AKAP5: variants seen among roughly 807,000 people sequenced by gnomAD.
AKAP5 encodes the protein A-kinase anchoring protein 5, also known as A-kinase anchor protein 5.
In AKAP5, 5 loss-of-function variants were observed where a neutral mutation model predicts 13.8. The ratio of observed to expected loss-of-function variants is 0.36; its 90% confidence interval spans 0.19 to 0.76. The LOEUF (loss-of-function observed/expected upper bound fraction) is 0.76, where lower values mean the gene tolerates loss of function less well. AKAP5 is among the 30% of genes least tolerant of loss of function. AKAP5 has a pLI of 0.51. For synonymous variants in AKAP5, 148 were observed against 167.2 expected, an observed-to-expected ratio of 0.89 and a Z score of 0.89; for missense variants, 406 against 484.4, an observed-to-expected ratio of 0.84 and a Z score of 1.52.
Position 64,469,173 on chromosome 14 carries a change from C to G in AKAP5, c.779C>G (p.Pro260Arg), listed in dbSNP as rs1287601908. 1 of 1,613,982 alleles carries G rather than the reference C, an allele frequency of 6.2e-7. No individual in the cohort carries two copies. The highest frequency in any genetic ancestry group is 2.2e-5 in the East Asian group (1 of 44,892). ...ACTTCAGAAACAGACCATCAGCAGC[C>G]AGTACTTTCTGATGTTCCTCCTTTA... is the stretch of plus-strand genomic sequence containing the variant. ...LETSETDHQQ[P>R]VLSDVPPLPA... The change falls in exon 2 of 2, where the codon CCA (proline) becomes CGA (arginine). Residue 260 changes from proline to arginine, a missense_variant. Pro to Arg is a moderately radical substitution (Grantham distance 103, BLOSUM62 -2). Coordinates refer to ENST00000394718, the MANE Select transcript of AKAP5 (RefSeq NM_004857.3).
In AKAP5 at chr14:64,468,908, C is replaced by A; in HGVS notation, c.514C>A (p.Gln172Lys). 1 of 1,614,162 alleles carries A rather than the reference C, an allele frequency of 6.2e-7. No individual in the cohort carries two copies. The highest frequency in any genetic ancestry group is 8.5e-7 in the Non-Finnish European group (1 of 1,180,042). ...ACAAACACAGACCCCATTGAATGAT[C>A]AGGCAACAAAGGCTAAGTCAACCCA... The part of the protein sequence containing the change: ...DIQTQTPLND[Q>K]ATKAKSTQDL... The change falls in exon 2 of 2, where the codon CAG becomes AAG. Residue 172 changes from glutamine (Q) to lysine (K), a missense_variant. Transcript: ENST00000394718.
intron 1 of AKAP5, among the ~76,000 whole-genome samples, chr14:64,465,814 T>C (rs2078607078): frequency 6.6e-6 from 1 of 152,166 alleles, no homozygotes; most frequent in South Asian, 2.1e-4. Context: ...TGCCCACCTA[T>C]CCCCTTCGCG....
chr14:64,468,944 G>A lies in AKAP5; in HGVS notation c.550G>A (p.Glu184Lys), dbSNP rs1381789447. The A allele has an allele frequency of 1.2e-6, 2 of 1,614,190 alleles. No individual in the cohort carries two copies. The highest frequency in any genetic ancestry group is 2.2e-5 in the East Asian group (1 of 44,886). ...GGCTAAGTCAACCCAGGATCTAAGT[G>A]AAGGCATCTCACGGAAAGATGGTGA... ...TKAKSTQDLS[E>K]GISRKDGDEV... The change falls in exon 2 of 2, where the codon GAA (glutamate) becomes AAA (lysine). Residue 184 changes from glutamate to lysine, a missense_variant. Physicochemically the swap from Glu to Lys is moderately conservative, Grantham distance 56 (BLOSUM62 1). Coordinates refer to ENST00000394718, the MANE Select transcript of AKAP5 (RefSeq NM_004857.3).
chr14:64,473,212 G>A lies in AKAP5; in HGVS notation c.*3534G>A, dbSNP rs2078692181. ...AAAAATAGTACCCGGTAACATTTAA[G>A]TAAAGGTAGCAGAAAACAAAAGAAC... On this transcript the variant is annotated 3_prime_UTR_variant, in exon 2 of 2. Transcript: ENST00000394718. 1 of 166,988 alleles carries A rather than the reference G, an allele frequency of 6.0e-6. No homozygotes were observed. The highest frequency in any genetic ancestry group is 1.9e-4 in the East Asian group (1 of 5,208). The allele number at this position is 166,988 out of a possible 1,614,324, so 10.3% of individuals were successfully genotyped here. A position where few individuals can be genotyped will look rare whatever the true frequency, so the allele number is the denominator to read the frequency against.
chr14:64,467,739 C>T (rs539835882), intron 1 of AKAP5: 1 of 152,042 alleles, frequency 6.6e-6, no homozygotes, highest in Admixed American at 6.6e-5. Context: ...TCTCTAAAGT[C>T]CTTTGCAGCT....
intron 1 of AKAP5, among the ~76,000 whole-genome samples, chr14:64,466,663 T>C (rs900722714): frequency 6.6e-6 from 1 of 152,204 alleles, no homozygotes; most frequent in African/African-American, 2.4e-5. Flanking sequence ...CAACCTAAGA[T>C]AATATTTACT....
Position 64,472,645 on chromosome 14 carries a change from C to T in AKAP5, c.*2967C>T, listed in dbSNP as rs1450663206. On this transcript the variant is annotated 3_prime_UTR_variant, in exon 2 of 2. Coordinates refer to ENST00000394718, the MANE Select transcript of AKAP5 (RefSeq NM_004857.3). ...AGGATTTCAGTTAGAAAAAGGAATT[C>T]CGAAATTAACTGGTCTCAATCTGAT... The T allele has an allele frequency of 1.2e-5, 2 of 166,948 alleles. No homozygotes were observed. Among genetic ancestry groups the T allele is most frequent in the Non-Finnish European group, 2.9e-5 (2 of 68,098 alleles). 10.3% of individuals were successfully genotyped at this position (166,948 alleles called of 1,614,324 possible). A position where few individuals can be genotyped will look rare whatever the true frequency, so the allele number is the denominator to read the frequency against.
In AKAP5 at chr14:64,471,154, CT is replaced by C. The variant is rs377652418; in HGVS notation, c.*1492del. 3.4e-3 allele frequency: 472 copies of C among 137,292 alleles called. No homozygotes were observed. The highest frequency in any genetic ancestry group is 7.7e-3 in the Middle Eastern group (2 of 260). The allele number at this position is 137,292 out of a possible 1,614,324, so 8.5% of individuals were successfully genotyped here. A position where few individuals can be genotyped will look rare whatever the true frequency, so the allele number is the denominator to read the frequency against. On this transcript the variant is annotated 3_prime_UTR_variant, in exon 2 of 2. Transcript: ENST00000394718. ...AACTTTTTCATCACTATTTTCTTTT[CT>C]TTTTTTTTTTTTTTTGAGATGGAGT... is the stretch of plus-strand genomic sequence containing the variant.
rs923303986 is a variant in AKAP5, at chr14:64,471,519, C to T, written c.*1841C>T. ...AAGGGCTTATTTGCATTTTTATTTA[C>T]ATATTGAAAGGGAAGCATCTGATCT... On this transcript the variant is annotated 3_prime_UTR_variant, in exon 2 of 2. Coordinates refer to ENST00000394718, the MANE Select transcript of AKAP5 (RefSeq NM_004857.3). 4.2e-5 allele frequency: 7 copies of T among 167,166 alleles called. No individual in the cohort carries two copies. The highest frequency in any genetic ancestry group is 1.4e-4 in the African/African-American group (6 of 41,558). The allele number at this position is 167,166 out of a possible 1,614,324, so 10.4% of individuals were successfully genotyped here.
chr14:64,466,211 C>T (rs2078611664), intron 1 of AKAP5, among the ~76,000 whole-genome samples: 1 of 152,182 alleles, frequency 6.6e-6, no homozygotes, highest in Non-Finnish European at 1.5e-5. Flanking sequence ...TTTCCTGAGG[C>T]GATAAAGCTA....
Position 64,471,162 on chromosome 14 carries a change from T to A in AKAP5, c.*1484T>A, listed in dbSNP as rs2078666211. 1 of 161,104 alleles carries A rather than the reference T, an allele frequency of 6.2e-6. No homozygotes were observed. The highest frequency in any genetic ancestry group is 2.4e-5 in the African/African-American group (1 of 41,082). The allele number at this position is 161,104 out of a possible 1,614,324, so 10.0% of individuals were successfully genotyped here. A position where few individuals can be genotyped will look rare whatever the true frequency, so the allele number is the denominator to read the frequency against. On this transcript the variant is annotated 3_prime_UTR_variant, in exon 2 of 2. Transcript: ENST00000394718. ...CATCACTATTTTCTTTTCTTTTTTT[T>A]TTTTTTTTGAGATGGAGTCTCACTC...
chr14:64,469,426 C>G lies in AKAP5; in HGVS notation c.1032C>G (p.Asp344Glu). The G allele has an allele frequency of 6.2e-7, 1 of 1,613,336 alleles. No homozygotes were observed. The highest frequency in any genetic ancestry group is 1.3e-5 in the African/African-American group (1 of 74,968). Residue 344 changes from aspartate (D) to glutamate (E), a missense_variant, in exon 2 of 2, where the codon GAC (aspartate) becomes GAG (glutamate). Coordinates refer to ENST00000394718, the MANE Select transcript of AKAP5 (RefSeq NM_004857.3). ...RMEPIAIIIT[D>E]TEISEFDVTK... ...AGCCAATTGCTATTATTATTACAGA[C>G]ACTGAAATCAGTGAATTTGATGTTA...
intron 1 of AKAP5, chr14:64,467,547 C>T (rs2078624445): frequency 6.6e-6 from 1 of 151,998 alleles, no homozygotes; most frequent in Non-Finnish European, 1.5e-5. Context: ...ATAGCACTTC[C>T]TTGATGGAAC....
rs1473340706 is a variant in AKAP5 at position 64,472,669 on chromosome 14, A to G, written c.*2991A>G. The G allele has an allele frequency of 6.0e-6, 1 of 167,000 alleles. No individual in the cohort carries two copies. The highest frequency in any genetic ancestry group is 1.5e-5 in the Non-Finnish European group (1 of 68,100). The allele number at this position is 167,000 out of a possible 1,614,324, so 10.3% of individuals were successfully genotyped here. On this transcript the variant is annotated 3_prime_UTR_variant, in exon 2 of 2. Coordinates refer to ENST00000394718, the MANE Select transcript of AKAP5 (RefSeq NM_004857.3). ...TCCGAAATTAACTGGTCTCAATCTG[A>G]TTATATGTGCTACATGGCCAAATCC...
intron 1 of AKAP5, chr14:64,467,357 G>A (rs1187410540): frequency 1.3e-5 from 2 of 152,164 alleles, no homozygotes; most frequent in African/African-American, 2.4e-5. Flanking sequence ...TAATACCCAA[G>A]AATTGCTCAA....
At chr14:64,467,783 A>G (rs1366880927) in intron 1 of AKAP5, 1 of 152,166 alleles carries the variant, frequency 6.6e-6, no homozygotes, top group Non-Finnish European at 1.5e-5. Flanking sequence ...TAAAGATTAC[A>G]TCAGCTTGCT....
Position 64,470,577 on chromosome 14 carries a change from G to A in AKAP5, c.*899G>A, listed in dbSNP as rs1228225102. 4 of 149,104 alleles carry A rather than the reference G, an allele frequency of 2.7e-5. No individual in the cohort carries two copies. Among genetic ancestry groups the A allele is most frequent in the Non-Finnish European group, 6.1e-5 (4 of 65,074 alleles). 9.2% of individuals were successfully genotyped at this position (149,104 alleles called of 1,614,324 possible). A position where few individuals can be genotyped will look rare whatever the true frequency, so the allele number is the denominator to read the frequency against. On this transcript the variant is annotated 3_prime_UTR_variant, in exon 2 of 2. Coordinates refer to ENST00000394718, the MANE Select transcript of AKAP5 (RefSeq NM_004857.3). Reference sequence around the variant, plus strand: ...TGCACTCCAGTCTGGGCAACAGAGCGAGACTCCTTCTCAAAAAAAAAAAAA... The same window carrying A: ...TGCACTCCAGTCTGGGCAACAGAGCAAGACTCCTTCTCAAAAAAAAAAAAA...
At chr14:64,467,282 G>A (rs1358157517) in intron 1 of AKAP5, 1 of 152,184 alleles carries the variant, frequency 6.6e-6, no homozygotes, top group Non-Finnish European at 1.5e-5. Context: ...TGTACGTGGT[G>A]ATACCACCAT....
Position 64,468,436 on chromosome 14 carries a change from TGAGAA to T in AKAP5, c.47_51del (p.Lys16IlefsTer5). ...CAGAAATTCATGTAGAAAACAAGGA[TGAGAA>T]GAGATCAGCAGAAGGTAGTCCTGGG... On this transcript the variant is annotated frameshift_variant, in exon 2 of 2. Transcript: ENST00000394718. LOFTEE classifies it low-confidence loss of function (END_TRUNC). 1 of 1,613,118 alleles carries T rather than the reference TGAGAA, an allele frequency of 6.2e-7. No homozygotes were observed. The highest frequency in any genetic ancestry group is 8.5e-7 in the Non-Finnish European group (1 of 1,179,786).
Sources: gnomAD v4.1 joint callset for allele counts (sites outside exome capture counted in the v4.1 genomes callset) on GRCh38, gnomAD v4.1.1 for gene constraint, MANE v1.5 for transcripts, NCBI Gene and HGNC (gene_info 2026-07-23, HGNC 2026-07-21) for gene names.